Variants in DACH2 observed in about 807,000 individuals in gnomAD.
DACH2 encodes dachshund family transcription factor 2.
DACH2 carries 17 observed loss-of-function variants against 35.8 expected under a neutral mutation model. The observed-to-expected ratio is 0.48, with a 90% confidence interval of 0.33 to 0.71. DACH2 has a LOEUF of 0.71. Among genes scored for constraint, DACH2 ranks in the 30% least tolerant of loss-of-function variants. The pLI is 0.02. For missense variants in DACH2, 469 were observed against 472.7 expected (o/e 0.99, Z 0.07); for synonymous variants, 195 against 177.3 (o/e 1.10, Z -0.79).
At chrX:86,176,042 G>T (rs1343361486) in intron 1 of DACH2, among the ~76,000 whole-genome samples, 1 of 111,887 alleles carries the variant, frequency 8.9e-6, no homozygotes, top group African/African-American at 3.2e-5. Context: ...AGCTGTGTCA[G>T]TACTGGTGCA....
chrX:86,624,948 T>G (rs1376814017), intron 3 of DACH2, among the ~76,000 whole-genome samples: 2 of 111,164 alleles, frequency 1.8e-5, no homozygotes, highest in Non-Finnish European at 3.8e-5. Context: ...TCAGACATAT[T>G]ATTACAAAAA....
chrX:86,773,933 G>A (rs982056709), intron 7 of DACH2, among the ~76,000 whole-genome samples: 3 of 111,420 alleles, frequency 2.7e-5, no homozygotes, highest in African/African-American at 9.8e-5. Context: ...CCCTTCTTTT[G>A]GGTATGTACC....
chrX:86,769,196 C>A (rs2041963396), intron 7 of DACH2, among the ~76,000 whole-genome samples: 2 of 111,554 alleles, frequency 1.8e-5, no homozygotes, highest in Admixed American at 1.9e-4. Flanking sequence ...GACAAATTCA[C>A]CAACAAAATA....
intron 3 of DACH2, among the ~76,000 whole-genome samples, chrX:86,599,825 G>A (rs768748959): frequency 1.7e-4 from 19 of 110,460 alleles, no homozygotes; most frequent in Non-Finnish European, 3.2e-4. Flanking sequence ...ATTAGCTTGC[G>A]TATCCCAGAA....
intron 2 of DACH2, among the ~76,000 whole-genome samples, chrX:86,447,187 G>A (rs2037300842): frequency 1.0e-5 from 1 of 97,057 alleles, no homozygotes; most frequent in African/African-American, 3.8e-5. Context: ...TGTAGATTCT[G>A]GATATTAGCC....
At chrX:86,625,081 G>A (rs2040118880) in intron 3 of DACH2, among the ~76,000 whole-genome samples, 1 of 111,489 alleles carries the variant, frequency 9.0e-6, no homozygotes, top group Non-Finnish European at 1.9e-5. Context: ...GTTCCAAACA[G>A]AAAAATGGTT....
chrX:86,517,568 C>G (rs970675567), intron 3 of DACH2, among the ~76,000 whole-genome samples: 15 of 109,746 alleles, frequency 1.4e-4, no homozygotes, highest in African/African-American at 4.0e-4. Flanking sequence ...AGGCACCCAC[C>G]ACCACACCTG....
intron 1 of DACH2, among the ~76,000 whole-genome samples, chrX:86,303,419 G>C (rs762518771): frequency 9.1e-6 from 1 of 109,861 alleles, no homozygotes; most frequent in Non-Finnish European, 1.9e-5. Context: ...AAGCAATATG[G>C]GTCCAAATGT....
chrX:86,704,023 C>T (rs1226909238), intron 5 of DACH2, among the ~76,000 whole-genome samples: 4 of 112,185 alleles, frequency 3.6e-5, no homozygotes, highest in African/African-American at 1.3e-4. Context: ...ATGAACAAAG[C>T]TGGAGAGCCA....
intron 3 of DACH2, among the ~76,000 whole-genome samples, chrX:86,621,978 A>C (rs1006410691): frequency 8.9e-6 from 1 of 111,831 alleles, no homozygotes; most frequent in African/African-American, 3.2e-5. Flanking sequence ...CATAGGAATT[A>C]GTTTTTCAGC....
intron 5 of DACH2, among the ~76,000 whole-genome samples, chrX:86,698,521 G>GTGTTTTTTTTTTTTTTTTTTTTTTTTT (rs2041096546): frequency 3.0e-5 from 1 of 32,957 alleles, no homozygotes; most frequent in African/African-American, 1.5e-4. Context: ...TTAGTTTTGT[G>GTGTTTTTTTTTTTTTTTTTTTTTTTTT]TTTTTTTTTT....
chrX:86,441,476 C>T (rs1448792283), intron 2 of DACH2, among the ~76,000 whole-genome samples: 2 of 73,137 alleles, frequency 2.7e-5, no homozygotes, highest in African/African-American at 6.0e-5. Context: ...GAAAAGTATT[C>T]CACTGTGTGT....
chrX:86,281,054 A>G (rs946036316), intron 1 of DACH2, among the ~76,000 whole-genome samples: 3 of 111,693 alleles, frequency 2.7e-5, no homozygotes, highest in Non-Finnish European at 5.6e-5. Context: ...AGACAAAATT[A>G]GCAAGGATAT....
At chrX:86,153,160 T>C (rs1449345749) in intron 1 of DACH2, among the ~76,000 whole-genome samples, 1 of 111,242 alleles carries the variant, frequency 9.0e-6, no homozygotes, top group East Asian at 2.8e-4. Flanking sequence ...GTTAAATGGG[T>C]GCTTGAAGAA....
intron 3 of DACH2, among the ~76,000 whole-genome samples, chrX:86,534,582 A>G (rs1243728808): frequency 8.9e-6 from 1 of 112,001 alleles, no homozygotes. Flanking sequence ...TAAATCATGC[A>G]TTAGACTCCA....
At chrX:86,277,122 G>A (rs2033930161) in intron 1 of DACH2, among the ~76,000 whole-genome samples, 1 of 111,673 alleles carries the variant, frequency 9.0e-6, no homozygotes, top group Non-Finnish European at 1.9e-5. Context: ...GCTTTGGGTA[G>A]TATGGATATT....
chrX:86,391,506 A>T (rs749756173), intron 2 of DACH2, among the ~76,000 whole-genome samples: 1 of 110,331 alleles, frequency 9.1e-6, no homozygotes, highest in African/African-American at 3.3e-5. Flanking sequence ...GTGGAATATA[A>T]CCATGTACAT....
chrX:86,805,137 G>A (rs767321208), intron 7 of DACH2, among the ~76,000 whole-genome samples: 5 of 112,774 alleles, frequency 4.4e-5, no homozygotes, highest in Non-Finnish European at 9.4e-5. Context: ...CCTGCCACAG[G>A]CTTCTGCCTG....
intron 1 of DACH2, among the ~76,000 whole-genome samples, chrX:86,247,120 A>G (rs979894746): frequency 3.6e-5 from 4 of 112,157 alleles, no homozygotes; most frequent in South Asian, 3.7e-4. Flanking sequence ...CAACAAGAAG[A>G]CTTAACTATT....
Sources: allele counts gnomAD v4.1 joint callset (sites outside exome capture counted in the v4.1 genomes callset), GRCh38; gene constraint gnomAD v4.1.1; transcripts MANE v1.5; gene names NCBI Gene and HGNC (gene_info 2026-07-23, HGNC 2026-07-21).